Variants in NAAA observed in about 807,000 individuals in gnomAD.
NAAA encodes N-acylethanolamine acid amidase.
NAAA carries 39 observed loss-of-function variants against 44.8 expected under a neutral mutation model. The ratio of observed to expected loss-of-function variants is 0.87; its 90% CI spans 0.67 to 1.14. The LOEUF is 1.14. Ranked by LOEUF, NAAA falls within the 50% of genes most tolerant of loss-of-function variation. NAAA has a pLI of 0.00. For synonymous variants in NAAA, 178 were observed against 191.3 expected (o/e 0.93, Z 0.58); for missense variants, 460 against 467.8 (o/e 0.98, Z 0.15).
chr4:75,917,913 C>T (rs1026694565), intron 9 of NAAA: 1 of 238,960 alleles, frequency 4.2e-6, no homozygotes, highest in Non-Finnish European at 8.6e-6. Flanking sequence ...AGCGAATTGT[C>T]AGTGGAACAA....
intron 7 of NAAA, 134 bp from the exon 8 acceptor site, chr4:75,920,109 G>C: frequency 1.2e-6 from 1 of 850,648 alleles, no homozygotes; most frequent in South Asian, 1.5e-5. Flanking sequence ...CTGGCCCCAA[G>C]CCTGTTTCCT....
At chr4:75,939,690 C>T (rs914225909) in intron 2 of NAAA, 1 of 302,882 alleles carries the variant, frequency 3.3e-6, no homozygotes, top group Non-Finnish European at 6.5e-6. Context: ...GCTGGGATTA[C>T]AGGTGTGAGC....
intron 5 of NAAA, among the ~76,000 whole-genome samples, chr4:75,922,117 G>A (rs1235841112): frequency 6.6e-6 from 1 of 152,082 alleles, no homozygotes; most frequent in Non-Finnish European, 1.5e-5. Context: ...TGGTGATAGG[G>A]TCAAACAAAA....
chr4:75,927,641 C>A (rs1230690659), intron 4 of NAAA, among the ~76,000 whole-genome samples: 8 of 120,270 alleles, frequency 6.7e-5, no homozygotes, highest in Non-Finnish European at 1.1e-4. Flanking sequence ...ATGCCCCCCC[C>A]CCCCCCGCCA....
Position 75,921,086 on chromosome 4 carries a change from C to T in NAAA, c.704G>A (p.Gly235Asp), listed in dbSNP as rs763392956. The change falls in exon 6 of 11, where the codon GGC becomes GAC. Residue 235 changes from glycine to aspartate, a missense_variant. Physicochemically the swap from Gly to Asp is moderately conservative, Grantham distance 94. Coordinates refer to ENST00000286733, the MANE Select transcript of NAAA (RefSeq NM_014435.4). ...SESENFEAAVGKLAKTPLIAD... is the reference protein window; with the variant it reads ...SESENFEAAVDKLAKTPLIAD... The stretch of plus-strand genomic sequence containing the variant: ...AATAAGGGGAGTCTTGGCCAACTTG[C>T]CAACAGCTGCTTCGAAGTTTTCCGA... The T allele has an allele frequency of 6.3e-7, 1 of 1,586,850 alleles. No homozygotes were observed. The highest frequency in any genetic ancestry group is 2.2e-5 in the East Asian group (1 of 44,700).
At chr4:75,931,175 T>C (rs1291309798) in intron 4 of NAAA, 39 bp downstream of exon 4, 1 of 1,527,322 alleles carries the variant, frequency 6.5e-7, no homozygotes, top group Non-Finnish European at 9.1e-7. Flanking sequence ...AACTGAACAA[T>C]AATGTAGCTA....
intron 4 of NAAA, among the ~76,000 whole-genome samples, chr4:75,926,230 T>C (rs997254565): frequency 1.3e-5 from 2 of 152,152 alleles, no homozygotes; most frequent in African/African-American, 4.8e-5. Flanking sequence ...AATGGACAAA[T>C]TGAATTTCAC....
chr4:75,920,881 C>T (rs1726089534), intron 6 of NAAA, 70 bp downstream of exon 6: 26 of 1,612,232 alleles, frequency 1.6e-5, no homozygotes, highest in South Asian at 1.2e-4. Flanking sequence ...ATTTAAAATA[C>T]CCCTCATTTC....
At chr4:75,914,477 T>C in intron 10 of NAAA, 139 bp from the exon 11 acceptor site, 1 of 257,014 alleles carries the variant, frequency 3.9e-6, no homozygotes, top group Non-Finnish European at 6.2e-6. Context: ...CGAGTTCAAG[T>C]GATTCTCCTA....
Position 75,940,893 on chromosome 4 carries a change from C to T in NAAA, c.57G>A (p.Leu19=). Residue 19 remains leucine, a synonymous_variant, in exon 1 of 11, where the codon CTG becomes CTA. Transcript: ENST00000286733. The part of the protein sequence containing the change: ...RPGLPSLLLL[L]LAGAGLSAAS... The stretch of plus-strand genomic sequence containing the variant: ...CGGCTGACAGCCCGGCCCCGGCCAG[C>T]AGCAGCAGCAGCAGGGACGGAAGCC... 2 of 1,536,160 alleles carry T rather than the reference C, an allele frequency of 1.3e-6. No individual in the cohort carries two copies. Among genetic ancestry groups the T allele is most frequent in the Non-Finnish European group, 1.7e-6 (2 of 1,151,342 alleles).
At chr4:75,940,683 C>T in intron 1 of NAAA, 61 bp downstream of exon 1, 1 of 1,518,474 alleles carries the variant, frequency 6.6e-7, no homozygotes, top group South Asian at 1.2e-5. Context: ...GAGCAGCGCG[C>T]GTTTGACTCC....
chr4:75,917,534 A>G (rs1039208239), intron 9 of NAAA: 72 of 171,756 alleles, frequency 4.2e-4, no homozygotes, highest in African/African-American at 1.7e-3. Flanking sequence ...GCATGATCTC[A>G]GCTCACTTGC....
intron 4 of NAAA, 145 bp downstream of exon 4, chr4:75,931,069 C>T: frequency 1.7e-6 from 1 of 594,554 alleles, no homozygotes; most frequent in Admixed American, 3.0e-5. Flanking sequence ...TGCTTCCATG[C>T]ATACTGTCCA....
chr4:75,933,257 G>A (rs1414415517), intron 3 of NAAA, among the ~76,000 whole-genome samples: 2 of 151,842 alleles, frequency 1.3e-5, no homozygotes, highest in Non-Finnish European at 2.9e-5. Context: ...GAAAAATTAG[G>A]TCAGTAATGT....
At chr4:75,924,419 A>C (rs1726466294) in intron 5 of NAAA, among the ~76,000 whole-genome samples, 1 of 152,238 alleles carries the variant, frequency 6.6e-6, no homozygotes, top group Non-Finnish European at 1.5e-5. Context: ...ATATTGTGCA[A>C]TTTAAAACCG....
intron 1 of NAAA, among the ~76,000 whole-genome samples, chr4:75,940,434 C>T (rs1728161662): frequency 6.6e-6 from 1 of 152,208 alleles, no homozygotes; most frequent in African/African-American, 2.4e-5. Context: ...GGAAGGCCCG[C>T]GAGGCCCGCA....
At chr4:75,931,134 T>C in intron 4 of NAAA, 80 bp downstream of exon 4, 1 of 1,141,702 alleles carries the variant, frequency 8.8e-7, no homozygotes, top group Non-Finnish European at 1.3e-6. Flanking sequence ...CTGTATATTC[T>C]GTTGGGTGAG....
chr4:75,932,723 C>T (rs1055373326), intron 3 of NAAA, among the ~76,000 whole-genome samples: 17 of 152,156 alleles, frequency 1.1e-4, no homozygotes, highest in Non-Finnish European at 2.2e-4. Context: ...AGGCTCGTCT[C>T]AAACTCCTGG....
intron 5 of NAAA, among the ~76,000 whole-genome samples, chr4:75,922,377 CAAAA>C (rs34680013): frequency 9.5e-5 from 10 of 105,364 alleles, no homozygotes; most frequent in Admixed American, 2.2e-4. Context: ...GACCCTGTCT[CAAAA>C]AAAAAAAAAA....
Sources: allele counts gnomAD v4.1 joint callset (sites outside exome capture counted in the v4.1 genomes callset), GRCh38; gene constraint gnomAD v4.1.1; transcripts MANE v1.5; gene names NCBI Gene and HGNC (gene_info 2026-07-23, HGNC 2026-07-21).